The following OLFML1 variants were observed in gnomAD, a reference collection of about 807,000 sequenced individuals.
The protein encoded by OLFML1 is olfactomedin like 1.
Under a neutral mutation model 37.3 loss-of-function variants are expected in OLFML1, and 33 were observed. That is an observed-to-expected ratio of 0.88 (90% CI 0.67 to 1.18). The LOEUF (loss-of-function observed/expected upper bound fraction) is 1.18. OLFML1 is among the 50% of genes most tolerant of loss of function. OLFML1 has a pLI of 0.00. For synonymous variants in OLFML1, 186 were observed against 181.3 expected (o/e 1.03, Z -0.21); for missense variants, 545 against 483.7 (o/e 1.13, Z -1.19).
At position 7,510,176 on chromosome 11, in the gene OLFML1, G is replaced by A. The variant is rs1554934756; in HGVS notation, c.1197G>A (p.Leu399=). 1.1e-5 allele frequency: 17 copies of A among 1,605,662 alleles called. No homozygotes were observed. The South Asian group carries it at 1.2e-4, about 11-fold the overall frequency. Residue 399 remains leucine, a synonymous_variant, in exon 3 of 3, where the codon CTG becomes CTA. Coordinates refer to ENST00000329293, the MANE Select transcript of OLFML1 (RefSeq NM_198474.4). ...IIYKLQTKRK[L]PLK ...ACAAACTCCAGACAAAGAGAAAGCT[G>A]CCTCTGAAGTAATGCATTACAGCTG...
chr11:7,504,500 C>G (rs1362105166), intron 2 of OLFML1, among the ~76,000 whole-genome samples: 2 of 152,072 alleles, frequency 1.3e-5, no homozygotes, highest in Non-Finnish European at 2.9e-5. Flanking sequence ...ACGCCTTTGG[C>G]TGCTGTGGGA....
intron 2 of OLFML1, among the ~76,000 whole-genome samples, chr11:7,493,559 G>A (rs58042305): frequency 1.3e-5 from 2 of 152,160 alleles, no homozygotes; most frequent in Non-Finnish European, 2.9e-5. Flanking sequence ...CAGCTATTTC[G>A]GTATTCAGGG....
intron 2 of OLFML1, among the ~76,000 whole-genome samples, chr11:7,505,901 A>C (rs1487261219): frequency 6.6e-6 from 1 of 152,250 alleles, no homozygotes; most frequent in Non-Finnish European, 1.5e-5. Context: ...AGTAGAGCTG[A>C]TCTTATCCTG....
intron 1 of OLFML1, among the ~76,000 whole-genome samples, chr11:7,486,907 C>T (rs925709651): frequency 1.3e-5 from 2 of 152,198 alleles, no homozygotes; most frequent in African/African-American, 4.8e-5. Context: ...GGGCGTCCAG[C>T]CAACAGGCTG....
At chr11:7,502,998 T>C (rs1848741328) in intron 2 of OLFML1, among the ~76,000 whole-genome samples, 1 of 152,156 alleles carries the variant, frequency 6.6e-6, no homozygotes, top group African/African-American at 2.4e-5. Context: ...AGTAAGAAAC[T>C]TGGTTTATGG....
At chr11:7,488,041 T>C (rs1205408918) in intron 1 of OLFML1, 86 bp from the exon 2 acceptor site, 1 of 954,708 alleles carries the variant, frequency 1.0e-6, no homozygotes, top group Non-Finnish European at 1.5e-6. Flanking sequence ...AATTTTCTAA[T>C]CCTTTTCTAT....
rs546823474 is a variant in OLFML1, at chr11:7,509,740, G to A, written c.761G>A (p.Gly254Glu). The change falls in exon 3 of 3, where the codon GGA becomes GAA. Residue 254 changes from glycine (G) to glutamate (E), a missense_variant. Transcript: ENST00000329293. ...RTVEDRMLLPGGVGRALVYQH... is the reference protein window; with the variant it reads ...RTVEDRMLLPEGVGRALVYQH... ...GTGGAAGATCGAATGCTGCTCCCAG[G>A]AGGGGTAGGCCGAGCATTGGTTTAC... 9.3e-6 allele frequency: 15 copies of A among 1,614,232 alleles called. No individual in the cohort carries two copies. The South Asian group carries it at 1.4e-4, about 15-fold the overall frequency.
At chr11:7,505,028 T>C (rs553755359) in intron 2 of OLFML1, among the ~76,000 whole-genome samples, 13 of 151,660 alleles carry the variant, frequency 8.6e-5, no homozygotes, top group African/African-American at 3.1e-4. Flanking sequence ...CCTGAGTGCA[T>C]GTGACCCTCC....
rs1848516784 is a variant in OLFML1 at position 7,485,983 on chromosome 11, C to A, written c.108C>A (p.Tyr36Ter). The A allele has an allele frequency of 1.9e-6, 3 of 1,613,940 alleles. No homozygotes were observed. Among genetic ancestry groups the A allele is most frequent in the Admixed American group, 1.7e-5 (1 of 59,998 alleles). The change falls in exon 1 of 3, where the codon TAC becomes TAA. Residue 36 changes from tyrosine (Y) to a stop codon, truncating the protein, a stop_gained. Transcript: ENST00000329293. LOFTEE classifies it high-confidence loss of function. ...TQDPAMVHYI[Y>*]QRFRVLEQGL... ...ACCCAGCCATGGTGCATTACATCTA[C>A]CAGCGCTTTCGAGTCTTGGAGGTAG...
rs1417318607 is a variant in OLFML1, at chr11:7,488,331, A to T, written c.334A>T (p.Ile112Phe). Residue 112 changes from isoleucine to phenylalanine, a missense_variant, in exon 2 of 3, where the codon ATC becomes TTC. Physicochemically the swap from Ile to Phe is conservative, Grantham distance 21 (BLOSUM62 0). Transcript: ENST00000329293. ...IQYLREADEC[I>F]ESEDKTLAEM... ...ATACCTTCGAGAGGCTGACGAGTGC[A>T]TCGAATCAGAGGACAAGACACTGGC... The T allele has an allele frequency of 2.5e-6, 4 of 1,614,146 alleles. No individual in the cohort carries two copies. Among genetic ancestry groups the T allele is most frequent in the Non-Finnish European group, 3.4e-6 (4 of 1,179,976 alleles).
chr11:7,486,743 A>G (rs1848528120), intron 1 of OLFML1, among the ~76,000 whole-genome samples: 1 of 152,198 alleles, frequency 6.6e-6, no homozygotes, highest in Non-Finnish European at 1.5e-5. Context: ...TACAAGCTAA[A>G]TTGATAAATT....
At chr11:7,491,864 A>G (rs1416637241) in intron 2 of OLFML1, among the ~76,000 whole-genome samples, 1 of 137,670 alleles carries the variant, frequency 7.3e-6, no homozygotes, top group Admixed American at 7.0e-5. Context: ...TCCTTCAAGT[A>G]GATGGAGAGT....
chr11:7,500,274 C>G (rs1391347587), intron 2 of OLFML1, among the ~76,000 whole-genome samples: 1 of 152,234 alleles, frequency 6.6e-6, no homozygotes, highest in Non-Finnish European at 1.5e-5. Flanking sequence ...CCCTCTGTAG[C>G]TGGGCTGCAA....
intron 2 of OLFML1, 168 bp downstream of exon 2, chr11:7,488,583 G>T: frequency 1.8e-6 from 1 of 549,452 alleles, no homozygotes. Flanking sequence ...GGTGTCCAAA[G>T]AGAAATCCAT....
Position 7,485,723 on chromosome 11 carries a change from T to C in OLFML1, c.-153T>C. 1.3e-6 allele frequency: 1 copy of C among 764,732 alleles called. No individual in the cohort carries two copies. The highest frequency in any genetic ancestry group is 2.5e-5 in the East Asian group (1 of 39,894). 47.4% of individuals were successfully genotyped at this position (764,732 alleles called of 1,614,324 possible). A position where few individuals can be genotyped will look rare whatever the true frequency, so the allele number is the denominator to read the frequency against. Reference sequence around the variant, plus strand: ...AACTGAGCTCACGTATCGGGTGGAATAACAAGCGGACTTTGCTCTCTGCTG... The same window carrying C: ...AACTGAGCTCACGTATCGGGTGGAACAACAAGCGGACTTTGCTCTCTGCTG... On this transcript the variant is annotated 5_prime_UTR_variant, in exon 1 of 3. Coordinates refer to ENST00000329293, the MANE Select transcript of OLFML1 (RefSeq NM_198474.4).
intron 2 of OLFML1, among the ~76,000 whole-genome samples, chr11:7,496,823 G>A (rs1483632926): frequency 6.6e-6 from 1 of 152,138 alleles, no homozygotes; most frequent in Non-Finnish European, 1.5e-5. Context: ...GATAATTGGT[G>A]GAAAGTGGAA....
chr11:7,504,149 G>C (rs1848754936), intron 2 of OLFML1, among the ~76,000 whole-genome samples: 1 of 152,062 alleles, frequency 6.6e-6, no homozygotes. Context: ...AAATGACCAA[G>C]GACCATTTGA....
intron 2 of OLFML1, among the ~76,000 whole-genome samples, chr11:7,490,309 G>C (rs1213072495): frequency 6.6e-6 from 1 of 152,126 alleles, no homozygotes; most frequent in East Asian, 1.9e-4. Context: ...CACAGAGTGA[G>C]GGAAGGAAAT....
intron 2 of OLFML1, among the ~76,000 whole-genome samples, chr11:7,490,132 T>TGGGGGG (rs373866404): frequency 4.2e-4 from 16 of 37,974 alleles, no homozygotes; most frequent in African/African-American, 1.4e-3. Flanking sequence ...TAGGCTTTGG[T>TGGGGGG]GGGGGGGGGG....
Sources: gnomAD v4.1 joint callset for allele counts (sites outside exome capture counted in the v4.1 genomes callset) on GRCh38, gnomAD v4.1.1 for gene constraint, MANE v1.5 for transcripts, NCBI Gene and HGNC (gene_info 2026-07-23, HGNC 2026-07-21) for gene names.